Variants in NELL2 observed in about 807,000 individuals in gnomAD.
The protein encoded by NELL2 is neural EGFL like 2, also known as protein kinase C-binding protein NELL2.
NELL2 carries 41 observed loss-of-function variants against 109.6 expected under a neutral mutation model. The ratio of observed to expected loss-of-function variants is 0.37; its 90% CI spans 0.29 to 0.49. The LOEUF (loss-of-function observed/expected upper bound fraction) is 0.49, where lower values mean the gene tolerates loss of function less well. NELL2 is among the 20% of genes least tolerant of loss of function. The pLI is 0.98. For missense variants in NELL2, 900 were observed against 1,008.3 expected (o/e 0.89, Z 1.45); for synonymous variants, 355 against 344.7 (o/e 1.03, Z -0.33).
chr12:44,862,545 A>G (rs373643744), intron 2 of NELL2, among the ~76,000 whole-genome samples: 12 of 152,180 alleles, frequency 7.9e-5, no homozygotes, highest in East Asian at 5.8e-4. Flanking sequence ...AACTCTAAAA[A>G]CAGTTTTTAT....
intron 9 of NELL2, among the ~76,000 whole-genome samples, chr12:44,742,708 G>C (rs990911389): frequency 8.9e-4 from 136 of 152,300 alleles, no homozygotes; most frequent in Admixed American, 8.6e-3. Flanking sequence ...ATCAGTGATG[G>C]AAGACAAAAT....
At chr12:44,539,245 C>T (rs1942432415) in intron 15 of NELL2, among the ~76,000 whole-genome samples, 2 of 152,078 alleles carry the variant, frequency 1.3e-5, no homozygotes, top group African/African-American at 4.8e-5. Context: ...TTTTTCTCCC[C>T]TGTTCAAAAG....
intron 2 of NELL2, among the ~76,000 whole-genome samples, chr12:44,822,289 A>C (rs1464606203): frequency 2.6e-5 from 4 of 152,200 alleles, no homozygotes; most frequent in Non-Finnish European, 4.4e-5. Context: ...CTTACAAGCA[A>C]TGAGGCTGTG....
At chr12:44,918,719 T>A (rs1945847325), upstream of NELL2, among the ~76,000 whole-genome samples, 1 of 152,206 alleles carries the variant, frequency 6.6e-6, no homozygotes. Context: ...TGGTTTTATG[T>A]CAGATCACAT....
chr12:44,532,773 C>G (rs1393210937), intron 15 of NELL2, 52 bp from the exon 16 acceptor site: 5 of 1,539,424 alleles, frequency 3.2e-6, no homozygotes, highest in Non-Finnish European at 4.4e-6. Context: ...TTGAAAGAAA[C>G]TAGAATATTC....
chr12:44,707,532 A>G (rs1369080474), intron 11 of NELL2, among the ~76,000 whole-genome samples: 1 of 152,160 alleles, frequency 6.6e-6, no homozygotes, highest in East Asian at 1.9e-4. Flanking sequence ...TTTTTTTGCC[A>G]TGAAACTTGA....
intron 12 of NELL2, among the ~76,000 whole-genome samples, chr12:44,682,450 T>C (rs1410350264): frequency 3.3e-5 from 5 of 152,108 alleles, no homozygotes; most frequent in Non-Finnish European, 7.3e-5. Context: ...ATTTTGGCTT[T>C]TGTTGCCATT....
intron 9 of NELL2, among the ~76,000 whole-genome samples, chr12:44,718,664 T>C (rs747144440): frequency 1.7e-4 from 26 of 152,234 alleles, no homozygotes; most frequent in Non-Finnish European, 3.2e-4. Flanking sequence ...TGATTGAATA[T>C]ATTATGTGTA....
Position 44,508,727 on chromosome 12 carries a change from G to A in NELL2, c.*207C>T. 1.7e-6 allele frequency: 1 copy of A among 572,864 alleles called. No individual in the cohort carries two copies. The highest frequency in any genetic ancestry group is 3.2e-6 in the Non-Finnish European group (1 of 315,222). 35.5% of individuals were successfully genotyped at this position (572,864 alleles called of 1,614,324 possible). ...ACATGGTGATGTGAGACACAGTAGA[G>A]GCAGACTTGAGGTCTAATTTTGCCC... On this transcript the variant is annotated 3_prime_UTR_variant, in exon 20 of 20. Transcript: ENST00000429094.
chr12:44,703,973 A>G (rs1937707428), intron 11 of NELL2, 119 bp from the exon 12 acceptor site: 1 of 786,322 alleles, frequency 1.3e-6, no homozygotes. Context: ...TTTAATTAGT[A>G]TCTTCATCAA....
chr12:44,545,497 T>G (rs1201463271), intron 15 of NELL2, among the ~76,000 whole-genome samples: 1 of 152,082 alleles, frequency 6.6e-6, no homozygotes, highest in Non-Finnish European at 1.5e-5. Context: ...AGATACAGAA[T>G]GATCATAAAT....
chr12:44,546,559 T>C (rs1208934801), intron 15 of NELL2, among the ~76,000 whole-genome samples: 2 of 152,210 alleles, frequency 1.3e-5, no homozygotes, highest in Non-Finnish European at 2.9e-5. Flanking sequence ...ATGTGTTTCT[T>C]AAACACAGGT....
chr12:44,713,214 A>G (rs1174951359), intron 10 of NELL2, among the ~76,000 whole-genome samples: 4 of 133,848 alleles, frequency 3.0e-5, no homozygotes, highest in Admixed American at 2.8e-4. Flanking sequence ...ACACACACAC[A>G]CAGAGAGAGA....
At chr12:44,780,327 A>G (rs1029288579) in intron 3 of NELL2, among the ~76,000 whole-genome samples, 2 of 152,028 alleles carry the variant, frequency 1.3e-5, no homozygotes, top group African/African-American at 4.8e-5. Flanking sequence ...AAAATCCTCA[A>G]GATGAGCCTG....
intron 9 of NELL2, among the ~76,000 whole-genome samples, chr12:44,743,685 G>T (rs1051282874): frequency 2.0e-5 from 3 of 152,118 alleles, no homozygotes; most frequent in African/African-American, 7.2e-5. Flanking sequence ...AACCAACAAA[G>T]ATCAAAAGAG....
intron 1 of NELL2, among the ~76,000 whole-genome samples, chr12:44,897,013 T>A (rs921815147): frequency 6.6e-6 from 1 of 152,186 alleles, no homozygotes; most frequent in African/African-American, 2.4e-5. Context: ...TAGCCTTTTG[T>A]GCAAATAAAT....
chr12:44,765,486 T>C (rs183408669), intron 9 of NELL2, among the ~76,000 whole-genome samples: 5 of 152,266 alleles, frequency 3.3e-5, no homozygotes, highest in Admixed American at 2.0e-4. Flanking sequence ...AGTTCCCTAA[T>C]ATAGACAACA....
At chr12:44,743,627 A>T (rs1390939506) in intron 9 of NELL2, among the ~76,000 whole-genome samples, 1 of 152,204 alleles carries the variant, frequency 6.6e-6, no homozygotes, top group Non-Finnish European at 1.5e-5. Flanking sequence ...AATGGAAAAT[A>T]AAAAAAGGCA....
chr12:44,808,922 C>T lies in NELL2; in HGVS notation c.335+7064G>A, dbSNP rs572788092. ...TATTAATACAGAAGATGATGACAAA[C>T]TACAGGACAGTTTAATATTTATTTG... On this transcript the variant is annotated intron_variant, in intron 3 of 19. Coordinates refer to ENST00000429094, the MANE Select transcript of NELL2 (RefSeq NM_001145108.2). Among the ~76,000 whole-genome samples the T allele has an allele frequency of 1.2e-4, 18 of 152,072 alleles. No individual in the cohort carries two copies. The South Asian group carries it at 3.3e-3, about 28-fold the overall frequency.
Sources: gnomAD v4.1 joint callset for allele counts (sites outside exome capture counted in the v4.1 genomes callset) on GRCh38, gnomAD v4.1.1 for gene constraint, MANE v1.5 for transcripts, NCBI Gene and HGNC (gene_info 2026-07-23, HGNC 2026-07-21) for gene names.